VPS39: variants seen among roughly 807,000 people sequenced by gnomAD.
The protein encoded by VPS39 is VPS39 subunit of HOPS complex, also known as vam6/Vps39-like protein.
In VPS39, 70 loss-of-function variants were observed where a neutral mutation model predicts 121.0. The ratio of observed to expected loss-of-function variants is 0.58; its 90% CI spans 0.48 to 0.71. The LOEUF is 0.71. VPS39 is among the 30% of genes least tolerant of loss of function. The pLI, the probability that VPS39 is intolerant of heterozygous loss-of-function variation, is 0.00. For missense variants in VPS39, 818 were observed against 1,051.5 expected, an observed-to-expected ratio of 0.78 and a Z score of 3.07; for synonymous variants, 378 against 398.1, an observed-to-expected ratio of 0.95 and a Z score of 0.60.
intron 8 of VPS39, among the ~76,000 whole-genome samples, chr15:42,179,450 G>A (rs1356627859): frequency 3.3e-5 from 5 of 150,870 alleles, no homozygotes; most frequent in African/African-American, 7.3e-5. Flanking sequence ...GGTGGCAGGC[G>A]CCTGTAGTCC....
chr15:42,164,506 C>T lies in VPS39; in HGVS notation c.1898-20G>A, dbSNP rs768296830. On this transcript the variant is annotated intron_variant, in intron 18 of 24. Coordinates refer to ENST00000318006, the MANE Select transcript of VPS39 (RefSeq NM_015289.5). ...TTTTGCCTTTAAGGGAAACCAAGCT[C>T]AAAATGAAAGGACACTGCCAGGTGG... 5.2e-5 allele frequency: 84 copies of T among 1,613,020 alleles called. No individual in the cohort carries two copies. The highest frequency in any genetic ancestry group is 6.9e-5 in the Non-Finnish European group (81 of 1,179,816).
At chr15:42,179,776 C>T (rs1161961521) in intron 8 of VPS39, among the ~76,000 whole-genome samples, 1 of 152,072 alleles carries the variant, frequency 6.6e-6, no homozygotes, top group East Asian at 1.9e-4. Context: ...TGATGCTCCA[C>T]CTGATGGCTG....
rs1242655016 is a variant in VPS39 at position 42,199,992 on chromosome 15, A to AT, written c.74-32_74-31insA. On this transcript the variant is annotated intron_variant, in intron 1 of 24. Coordinates refer to ENST00000318006, the MANE Select transcript of VPS39 (RefSeq NM_015289.5). ...AAAACAAAACAAAACAAAAACAAAA[A>AT]CAAAAAAAAACCAGCTTTGAGAAAG... The AT allele has an allele frequency of 2.6e-6, 4 of 1,545,732 alleles. No homozygotes were observed. The African/African-American group carries it at 6.0e-5, about 23-fold the overall frequency.
At chr15:42,166,954 G>A (rs1225373925) in intron 13 of VPS39, 41 bp from the exon 14 acceptor site, 23 of 1,611,456 alleles carry the variant, frequency 1.4e-5, no homozygotes, top group Non-Finnish European at 1.9e-5. Context: ...TGCTTCCTGG[G>A]GAGCCCCACC....
intron 1 of VPS39, among the ~76,000 whole-genome samples, chr15:42,206,606 G>T (rs889303424): frequency 6.6e-6 from 1 of 152,194 alleles, no homozygotes; most frequent in Non-Finnish European, 1.5e-5. Flanking sequence ...TGTAGCCACA[G>T]CTGCATTAAT....
chr15:42,174,018 C>A (rs143391507), intron 10 of VPS39, among the ~76,000 whole-genome samples, 166 bp from the exon 11 acceptor site: 1 of 152,058 alleles, frequency 6.6e-6, no homozygotes, highest in Non-Finnish European at 1.5e-5. Context: ...GAGGCCGAGG[C>A]GGGCGGATCA....
chr15:42,200,548 T>A (rs1295652576), intron 1 of VPS39, among the ~76,000 whole-genome samples: 2 of 152,176 alleles, frequency 1.3e-5, no homozygotes, highest in African/African-American at 4.8e-5. Flanking sequence ...GTAGAAAATA[T>A]TTAATAACAA....
At chr15:42,206,202 C>T (rs1678996) in intron 1 of VPS39, among the ~76,000 whole-genome samples, 9,985 of 152,208 alleles carry the variant, frequency 0.066, 850 homozygotes, top group African/African-American at 0.18. Context: ...ACCTCAAATA[C>T]TATTTGGCCC....
At chr15:42,194,658 A>C (rs1040785136) in intron 2 of VPS39, among the ~76,000 whole-genome samples, 1 of 151,806 alleles carries the variant, frequency 6.6e-6, no homozygotes, top group Non-Finnish European at 1.5e-5. Flanking sequence ...GCCTGAGCCT[A>C]GGAGTTATAG....
At chr15:42,199,839 G>A in intron 2 of VPS39, 57 bp downstream of exon 2, 1 of 1,522,790 alleles carries the variant, frequency 6.6e-7, no homozygotes, top group South Asian at 1.3e-5. Context: ...TGATTTCACA[G>A]TTGTATACTA....
chr15:42,199,995 A>G, intron 1 of VPS39, 34 bp from the exon 2 acceptor site: 1 of 1,546,624 alleles, frequency 6.5e-7, no homozygotes. Context: ...AACAAAAACA[A>G]AAAAAAACCA....
At chr15:42,176,965 C>G (rs2140856496) in intron 10 of VPS39, among the ~76,000 whole-genome samples, 1 of 151,948 alleles carries the variant, frequency 6.6e-6, no homozygotes, top group Admixed American at 6.6e-5. Context: ...GAGTTTAAGA[C>G]CAGCCTGGGC....
At chr15:42,189,245 C>T (rs976401877) in intron 4 of VPS39, 37 bp from the exon 5 acceptor site, 1 of 1,545,140 alleles carries the variant, frequency 6.5e-7, no homozygotes, top group African/African-American at 1.4e-5. Context: ...GATCAATGAT[C>T]ATAATTCTCT....
At chr15:42,181,138 A>T (rs1696166390) in intron 8 of VPS39, among the ~76,000 whole-genome samples, 1 of 152,242 alleles carries the variant, frequency 6.6e-6, no homozygotes, top group South Asian at 2.1e-4. Flanking sequence ...GAACGGATGG[A>T]TAAACAAAAT....
intron 11 of VPS39, among the ~76,000 whole-genome samples, chr15:42,170,216 A>C (rs2049320726): frequency 6.6e-6 from 1 of 152,172 alleles, no homozygotes; most frequent in African/African-American, 2.4e-5. Flanking sequence ...TAAAAAATTT[A>C]AGTCAAAAAA....
chr15:42,173,750 T>C lies in VPS39; in HGVS notation c.1063A>G (p.Met355Val), dbSNP rs780780833. The C allele has an allele frequency of 2.5e-6, 4 of 1,614,050 alleles. No individual in the cohort carries two copies. The African/African-American group carries it at 4.0e-5, about 16-fold the overall frequency. Residue 355 changes from methionine to valine, a missense_variant, in exon 11 of 25, where the codon ATG (methionine) becomes GTG (valine). Met to Val is a conservative substitution (Grantham distance 21). Transcript: ENST00000318006. Reference sequence around the variant, plus strand: ...GTGCCAAGTTTAGCAAAGACCTGCATGGACTCATCAAAACGCTTCTGGCAG... The same window carrying C: ...GTGCCAAGTTTAGCAAAGACCTGCACGGACTCATCAAAACGCTTCTGGCAG... ...LFCQKRFDESMQVFAKLGTDP... is the reference protein window; with the variant it reads ...LFCQKRFDESVQVFAKLGTDP...
chr15:42,186,583 T>C (rs2049707568), intron 7 of VPS39, among the ~76,000 whole-genome samples: 1 of 152,368 alleles, frequency 6.6e-6, no homozygotes, highest in African/African-American at 2.4e-5. Flanking sequence ...GTCAATCTTT[T>C]CTACATATAG....
At position 42,169,780 on chromosome 15, in the gene VPS39, G is replaced by A. The variant is rs1447816042; in HGVS notation, c.1177C>T (p.Leu393Phe). ...GCCTTCTCCAATTCAGCCCCGGAGA[G>A]CACAGGCAATGGGTTGGGATACTGC... Reference protein sequence around the residue: ...QLQYPNPLPVLSGAELEKAHL... With the variant: ...QLQYPNPLPVFSGAELEKAHL... Residue 393 changes from leucine (L) to phenylalanine (F), a missense_variant, in exon 12 of 25, where the codon CTC (leucine) becomes TTC (phenylalanine). Leu to Phe is a conservative substitution (Grantham distance 22). Coordinates refer to ENST00000318006, the MANE Select transcript of VPS39 (RefSeq NM_015289.5). 1 of 1,614,176 alleles carries A rather than the reference G, an allele frequency of 6.2e-7. No homozygotes were observed.
At chr15:42,193,852 A>T (rs908526575) in intron 2 of VPS39, among the ~76,000 whole-genome samples, 6 of 70,948 alleles carry the variant, frequency 8.5e-5, no homozygotes, top group Admixed American at 1.9e-4. Context: ...CTTTGTTCAT[A>T]AAAAAAAAAA....
Sources: gnomAD v4.1 joint callset for allele counts (sites outside exome capture counted in the v4.1 genomes callset) on GRCh38, gnomAD v4.1.1 for gene constraint, MANE v1.5 for transcripts, NCBI Gene and HGNC (gene_info 2026-07-23, HGNC 2026-07-21) for gene names.